The following RASD2 variants were observed in gnomAD, a reference collection of about 807,000 sequenced individuals.
RASD2 encodes GTP-binding protein Rhes.
In RASD2, 7 loss-of-function variants were observed where a neutral mutation model predicts 15.8. That is an observed-to-expected ratio of 0.44 (90% CI 0.25 to 0.83). The LOEUF (loss-of-function observed/expected upper bound fraction) is 0.83, where lower values mean the gene tolerates loss of function less well. RASD2 is among the 40% of genes least tolerant of loss of function. The probability of loss-of-function intolerance (pLI) is 0.20; values close to 1 mark genes in which losing one functional copy is unlikely to be tolerated. For missense variants in RASD2, 274 were observed against 382.8 expected (o/e 0.72, Z 2.37); for synonymous variants, 155 against 153.6 (o/e 1.01, Z -0.07).
intron 2 of RASD2, among the ~76,000 whole-genome samples, chr22:35,549,797 G>A (rs1327225713): frequency 2.6e-5 from 4 of 152,200 alleles, no homozygotes. Context: ...CATTAAATGG[G>A]GGTAAATGAT....
intron 2 of RASD2, among the ~76,000 whole-genome samples, chr22:35,550,080 G>A (rs1272115857): frequency 1.3e-5 from 2 of 152,090 alleles, no homozygotes; most frequent in Non-Finnish European, 2.9e-5. Context: ...GGCTAACACA[G>A]TGAAACACCG....
the RASD2 span, among the ~76,000 whole-genome samples, chr22:35,533,909 G>GGTGA: frequency 1.3e-5 from 2 of 151,786 alleles, no homozygotes; most frequent in Non-Finnish European, 2.9e-5. Context: ...GGATGATGAT[G>GGTGA]AGAGTGATGA....
In RASD2 at chr22:35,551,861, C is replaced by T. The variant is rs188112775; in HGVS notation, c.630C>T (p.Asp210=). The T allele has an allele frequency of 3.5e-5, 57 of 1,613,996 alleles. No homozygotes were observed. In the Admixed American group the frequency reaches 8.3e-4, roughly 24 times the overall value. ...LHRKISVQYG[D]AFHPRPFCMR... Reference sequence around the variant, plus strand: ...GCAAGATCTCCGTGCAGTACGGTGACGCCTTCCACCCCAGGCCCTTCTGCA... The same window carrying T: ...GCAAGATCTCCGTGCAGTACGGTGATGCCTTCCACCCCAGGCCCTTCTGCA... Residue 210 remains aspartate (D), a synonymous_variant, in exon 3 of 3, where the codon GAC becomes GAT. Transcript: ENST00000216127. This position sits in a 1 kb window ranked among gnomAD's most constrained non-coding sequence, Gnocchi z 4.9.
At chr22:35,540,380 G>A (rs545332637), upstream of RASD2, among the ~76,000 whole-genome samples, 5 of 149,648 alleles carry the variant, frequency 3.3e-5, no homozygotes, top group South Asian at 8.3e-4. Flanking sequence ...GCGGCGCCCC[G>A]GAGGCCGCGA....
upstream of RASD2, among the ~76,000 whole-genome samples, chr22:35,539,625 C>A (rs1250634243): frequency 6.6e-6 from 1 of 152,204 alleles, no homozygotes; most frequent in Non-Finnish European, 1.5e-5. Flanking sequence ...TGGCAGGCCA[C>A]GGTTTCCAGC....
At chr22:35,549,751 C>G (rs944033642) in intron 2 of RASD2, among the ~76,000 whole-genome samples, 1 of 152,170 alleles carries the variant, frequency 6.6e-6, no homozygotes, top group Non-Finnish European at 1.5e-5. Context: ...TGGAGCACAC[C>G]TTTGATCTGG....
At chr22:35,548,030 G>A (rs773893919) in intron 2 of RASD2, among the ~76,000 whole-genome samples, 1 of 152,240 alleles carries the variant, frequency 6.6e-6, no homozygotes, top group Non-Finnish European at 1.5e-5. Context: ...AGCTCGTAAA[G>A]GCAGTCTGCT....
At chr22:35,536,326 CTTT>C (rs559627212), upstream of RASD2, among the ~76,000 whole-genome samples, 4 of 140,200 alleles carry the variant, frequency 2.9e-5, no homozygotes, top group African/African-American at 2.6e-5. Context: ...CAAACCGTCT[CTTT>C]TTTTTTTTTT....
chr22:35,545,307 T>C (rs2145871329), intron 1 of RASD2, among the ~76,000 whole-genome samples: 1 of 152,252 alleles, frequency 6.6e-6, no homozygotes, highest in South Asian at 2.1e-4. Flanking sequence ...AGCGATGGTG[T>C]TGGAAAGCGC....
At chr22:35,534,895 C>A in the RASD2 span, among the ~76,000 whole-genome samples, 1 of 152,188 alleles carries the variant, frequency 6.6e-6, no homozygotes, top group African/African-American at 2.4e-5. Context: ...ATTAAACCAG[C>A]TTGGAAATGT....
upstream of RASD2, among the ~76,000 whole-genome samples, chr22:35,536,449 C>T (rs1322590104): frequency 6.6e-6 from 1 of 152,128 alleles, no homozygotes; most frequent in Admixed American, 6.5e-5. Context: ...CCTCAGCCTC[C>T]CGAGTAGCTG....
intron 1 of RASD2, among the ~76,000 whole-genome samples, chr22:35,545,135 C>A (rs1934462038): frequency 6.6e-6 from 1 of 152,142 alleles, no homozygotes. Context: ...TGGAAATTGG[C>A]AATAGGGCTT....
chr22:35,550,617 G>A (rs143141538), intron 2 of RASD2, among the ~76,000 whole-genome samples: 1,886 of 152,260 alleles, frequency 0.012, 21 homozygotes, highest in Middle Eastern at 0.031. Context: ...AGTTATCCTG[G>A]AGGCAGTGTG....
At chr22:35,547,717 C>T (rs866151563) in intron 2 of RASD2, among the ~76,000 whole-genome samples, 6 of 152,136 alleles carry the variant, frequency 3.9e-5, no homozygotes, top group Non-Finnish European at 8.8e-5. Flanking sequence ...CGGGTTCAAG[C>T]GATTCTCCTG....
chr22:35,538,578 G>C (rs149110012), upstream of RASD2, among the ~76,000 whole-genome samples: 5 of 152,314 alleles, frequency 3.3e-5, no homozygotes, highest in East Asian at 1.9e-4. Context: ...TACCAGGAGT[G>C]GGGGAGGGCA....
rs1569102299 is a variant in RASD2, at chr22:35,547,061, C to T, written c.252C>T (p.Arg84=). 4 of 1,613,506 alleles carry T rather than the reference C, an allele frequency of 2.5e-6. No homozygotes were observed. The highest frequency in any genetic ancestry group is 3.4e-6 in the Non-Finnish European group (4 of 1,179,630). Residue 84 remains arginine (R), a synonymous_variant, in exon 2 of 3, where the codon CGC becomes CGT. Transcript: ENST00000216127. The stretch of plus-strand genomic sequence containing the variant: ...GCAACCACCCCTTCCCCGCCATGCG[C>T]AGGCTGTCCATCCTCACAGGTGAGG... The part of the protein sequence containing the change: ...TSGNHPFPAM[R]RLSILTGDVF...
chr22:35,532,837 C>T, the RASD2 span, among the ~76,000 whole-genome samples: 2 of 152,104 alleles, frequency 1.3e-5, no homozygotes, highest in African/African-American at 4.8e-5. Flanking sequence ...CTTCGGTGCC[C>T]TCCAGTTAAA....
In RASD2 at chr22:35,546,966, G is replaced by A. The variant is rs1934522223; in HGVS notation, c.157G>A (p.Glu53Lys). 4.3e-6 allele frequency: 7 copies of A among 1,613,926 alleles called. No homozygotes were observed. Among genetic ancestry groups the A allele is most frequent in the Admixed American group, 3.3e-5 (2 of 59,974 alleles). ...RFEDQYTPTI[E>K]DFHRKVYNIR... Reference sequence around the variant, plus strand: ...TGAGGACCAGTACACACCCACCATCGAGGACTTCCACCGTAAGGTATACAA... The same window carrying A: ...TGAGGACCAGTACACACCCACCATCAAGGACTTCCACCGTAAGGTATACAA... The change falls in exon 2 of 3, where the codon GAG (glutamate) becomes AAG (lysine). Residue 53 changes from glutamate (E) to lysine (K), a missense_variant. Physicochemically the swap from Glu to Lys is moderately conservative, Grantham distance 56. Transcript: ENST00000216127.
At position 35,542,264 on chromosome 22, in the gene RASD2, C is replaced by A. The variant is rs551918068; in HGVS notation, c.-10+764C>A. Among the ~76,000 whole-genome samples the A allele has an allele frequency of 2.0e-5, 3 of 152,344 alleles. No individual in the cohort carries two copies. In the South Asian group the frequency reaches 6.2e-4, roughly 32 times the overall value. On this transcript the variant is annotated intron_variant, in intron 1 of 2. Coordinates refer to ENST00000216127, the MANE Select transcript of RASD2 (RefSeq NM_014310.4). The stretch of plus-strand genomic sequence containing the variant: ...GCAAGACCTGCGCCTGCATTCCAGT[C>A]CAGCCTCACCAGGCTGCTCTAGGCA...
Sources: gnomAD v4.1 joint callset for allele counts (sites outside exome capture counted in the v4.1 genomes callset) on GRCh38, gnomAD v4.1.1 for gene constraint, Gnocchi (gnomAD v3.1) non-coding constraint, MANE v1.5 for transcripts, NCBI Gene and HGNC (gene_info 2026-07-23, HGNC 2026-07-21) for gene names.